ST6GALNAC3: variants seen among roughly 807,000 people sequenced by gnomAD.
ST6GALNAC3 encodes the protein ST6 N-acetylgalactosaminide alpha-2,6-sialyltransferase 3, also known as alpha-N-acetylgalactosaminide alpha-2,6-sialyltransferase 3.
In ST6GALNAC3, 25 loss-of-function variants were observed where a neutral mutation model predicts 32.7. The ratio of observed to expected loss-of-function variants is 0.76; its 90% CI spans 0.56 to 1.07. The LOEUF is 1.07. Among genes scored for constraint, ST6GALNAC3 ranks in the 50% least tolerant of loss-of-function variants. ST6GALNAC3 has a pLI of 0.00. For synonymous variants in ST6GALNAC3, 129 were observed against 133.1 expected, an observed-to-expected ratio of 0.97 and a Z score of 0.21; for missense variants, 355 against 382.4, an observed-to-expected ratio of 0.93 and a Z score of 0.60.
intron 2 of ST6GALNAC3, among the ~76,000 whole-genome samples, chr1:76,362,437 GA>G (rs1366615649): frequency 1.3e-5 from 2 of 151,970 alleles, no homozygotes; most frequent in Non-Finnish European, 2.9e-5. Flanking sequence ...TTTTCACATT[GA>G]AAAATACAAC....
chr1:76,315,587 G>T (rs925894392), intron 2 of ST6GALNAC3, among the ~76,000 whole-genome samples: 2 of 152,056 alleles, frequency 1.3e-5, no homozygotes, highest in Admixed American at 6.6e-5. Context: ...ATATTATTTT[G>T]CTCCTGCAAA....
rs1156261506 is a variant in ST6GALNAC3, at chr1:76,631,852, A to G, written c.*3046A>G. 1 of 152,106 alleles carries G rather than the reference A, an allele frequency of 6.6e-6. No homozygotes were observed. Among genetic ancestry groups the G allele is most frequent in the Non-Finnish European group, 1.5e-5 (1 of 67,984 alleles). The allele number at this position is 152,106 out of a possible 1,614,324, so 9.4% of individuals were successfully genotyped here. ...ATTCTATGAAAAAGCAAGGTAATTT[A>G]AAAAGAGTTTTAAAATGTGTGTTTG... On this transcript the variant is annotated 3_prime_UTR_variant, in exon 5 of 5. Coordinates refer to ENST00000328299, the MANE Select transcript of ST6GALNAC3 (RefSeq NM_152996.4).
At chr1:76,407,090 C>T (rs1257863044) in intron 2 of ST6GALNAC3, among the ~76,000 whole-genome samples, 1 of 151,858 alleles carries the variant, frequency 6.6e-6, no homozygotes, top group East Asian at 1.9e-4. Flanking sequence ...GTCATTTTTT[C>T]CTGTAAGGTG....
chr1:76,424,226 T>C (rs954276647), intron 3 of ST6GALNAC3, among the ~76,000 whole-genome samples: 1 of 151,998 alleles, frequency 6.6e-6, no homozygotes, highest in Non-Finnish European at 1.5e-5. Context: ...TTATCTTCTC[T>C]TTATCTTTAC....
At chr1:76,492,070 A>G (rs1465609639) in intron 3 of ST6GALNAC3, among the ~76,000 whole-genome samples, 1 of 152,208 alleles carries the variant, frequency 6.6e-6, no homozygotes, top group Non-Finnish European at 1.5e-5. Flanking sequence ...TTCCTGTTTG[A>G]TGTATGAGTA....
intron 3 of ST6GALNAC3, among the ~76,000 whole-genome samples, chr1:76,472,723 A>C (rs1659112176): frequency 6.6e-6 from 1 of 152,160 alleles, no homozygotes; most frequent in Admixed American, 6.6e-5. Flanking sequence ...TGCCAGTTTC[A>C]TTATAAGTAC....
rs1201674075 is a variant in ST6GALNAC3, at chr1:76,412,263, C to A, written c.469C>A (p.Pro157Thr). ...TACTACTATTTATGTTATTTGGGGACCTTTCCGCAATATGAGGAAAGATGG... is the reference window on the plus strand; with the variant it reads ...TACTACTATTTATGTTATTTGGGGAACTTTCCGCAATATGAGGAAAGATGG... ...ANTTIYVIWG[P>T]FRNMRKDGNG... Residue 157 changes from proline (P) to threonine (T), a missense_variant, in exon 3 of 5, where the codon CCT becomes ACT. Pro to Thr is a conservative substitution (Grantham distance 38). Transcript: ENST00000328299. 1 of 1,613,492 alleles carries A rather than the reference C, an allele frequency of 6.2e-7. No homozygotes were observed. The highest frequency in any genetic ancestry group is 2.2e-5 in the East Asian group (1 of 44,856).
intron 3 of ST6GALNAC3, among the ~76,000 whole-genome samples, chr1:76,618,986 T>C (rs939935017): frequency 3.3e-5 from 5 of 152,162 alleles, no homozygotes; most frequent in Non-Finnish European, 5.9e-5. Flanking sequence ...CACAAGAAGC[T>C]TGAATAATCT....
At chr1:76,144,293 A>G (rs543580496) in intron 1 of ST6GALNAC3, among the ~76,000 whole-genome samples, 8 of 152,310 alleles carry the variant, frequency 5.3e-5, no homozygotes, top group Non-Finnish European at 8.8e-5. Context: ...GATGGAGGAA[A>G]GGGCAACCAG....
At chr1:76,545,031 T>C (rs1252048474) in intron 3 of ST6GALNAC3, among the ~76,000 whole-genome samples, 1 of 152,318 alleles carries the variant, frequency 6.6e-6, no homozygotes, top group East Asian at 1.9e-4. Context: ...AGAACTTTGT[T>C]ATAAAACAGC....
At chr1:76,505,349 C>G (rs1359973439) in intron 3 of ST6GALNAC3, among the ~76,000 whole-genome samples, 2 of 152,138 alleles carry the variant, frequency 1.3e-5, no homozygotes, top group East Asian at 3.9e-4. Context: ...GTCTCGATCT[C>G]CTGACCTAGT....
chr1:76,339,966 ATATT>A (rs1345294929), intron 2 of ST6GALNAC3, among the ~76,000 whole-genome samples: 1 of 152,224 alleles, frequency 6.6e-6, no homozygotes, highest in Non-Finnish European at 1.5e-5. Context: ...CAAAGGAAGA[ATATT>A]TTTAATAGAG....
At chr1:76,575,589 T>C (rs1463937977) in intron 3 of ST6GALNAC3, among the ~76,000 whole-genome samples, 1 of 152,052 alleles carries the variant, frequency 6.6e-6, no homozygotes, top group East Asian at 1.9e-4. Context: ...ACTCTCAAGT[T>C]TCTTATATGA....
At chr1:76,163,660 G>A (rs1445038875) in intron 1 of ST6GALNAC3, among the ~76,000 whole-genome samples, 1 of 152,074 alleles carries the variant, frequency 6.6e-6, no homozygotes, top group African/African-American at 2.4e-5. Flanking sequence ...TTCTGTGTTG[G>A]TGATTATAAA....
chr1:76,079,256 T>C (rs1237596897), intron 1 of ST6GALNAC3, among the ~76,000 whole-genome samples: 1 of 152,232 alleles, frequency 6.6e-6, no homozygotes, highest in Non-Finnish European at 1.5e-5. Context: ...TTAATTTGTA[T>C]TTATTTGATC....
intron 3 of ST6GALNAC3, among the ~76,000 whole-genome samples, chr1:76,457,266 T>C (rs1034185882): frequency 1.2e-4 from 18 of 151,972 alleles, no homozygotes; most frequent in Admixed American, 4.6e-4. Context: ...ATCGTGAAAA[T>C]GGCCATACTG....
At chr1:76,140,784 T>G (rs1650268993) in intron 1 of ST6GALNAC3, among the ~76,000 whole-genome samples, 1 of 149,412 alleles carries the variant, frequency 6.7e-6, no homozygotes, top group South Asian at 2.1e-4. Context: ...CCCAGCTAAA[T>G]TTTAATTTTC....
At chr1:76,217,963 C>T (rs750854845) in intron 1 of ST6GALNAC3, among the ~76,000 whole-genome samples, 9 of 151,998 alleles carry the variant, frequency 5.9e-5, no homozygotes, top group Non-Finnish European at 1.3e-4. Flanking sequence ...TTGCAAATTA[C>T]GCTGCTATAA....
chr1:76,175,814 T>C (rs934214847), intron 1 of ST6GALNAC3, among the ~76,000 whole-genome samples: 8 of 152,220 alleles, frequency 5.3e-5, no homozygotes, highest in African/African-American at 1.9e-4. Context: ...TACATGTGGA[T>C]GAAGTCATTT....
Sources: allele counts gnomAD v4.1 joint callset (sites outside exome capture counted in the v4.1 genomes callset), GRCh38; gene constraint gnomAD v4.1.1; transcripts MANE v1.5; gene names NCBI Gene and HGNC (gene_info 2026-07-23, HGNC 2026-07-21).